The following PC variants were observed in gnomAD, a reference collection of about 807,000 sequenced individuals.
The protein encoded by PC is pyruvate carboxylase, mitochondrial.
Under a neutral mutation model 107.8 loss-of-function variants are expected in PC, and 46 were observed. The observed-to-expected ratio is 0.43, with a 90% confidence interval of 0.34 to 0.55. PC has a LOEUF of 0.55. Ranked by LOEUF, PC falls within the 20% of genes least tolerant of loss-of-function variation. The pLI is 0.04. For missense variants in PC, 1,241 were observed against 1,643.1 expected (o/e 0.76, Z 4.23); for synonymous variants, 662 against 684.7 (o/e 0.97, Z 0.52).
chr11:66,877,560 G>A (rs890578219), intron 3 of PC, among the ~76,000 whole-genome samples: 12 of 152,146 alleles, frequency 7.9e-5, no homozygotes, highest in Non-Finnish European at 7.3e-5. Context: ...GCATGGTGGC[G>A]GGTTATGCCC....
intron 3 of PC, among the ~76,000 whole-genome samples, chr11:66,929,066 G>T (rs537337221): frequency 6.6e-6 from 1 of 152,212 alleles, no homozygotes; most frequent in Admixed American, 6.5e-5. Context: ...GACTTACCTA[G>T]TACCGACAGG....
chr11:66,859,697 T>C (rs1303259607), intron 12 of PC: 1 of 1,612,758 alleles, frequency 6.2e-7, no homozygotes, highest in Non-Finnish European at 8.5e-7. Context: ...GCGCTGACTA[T>C]GACCTCTGCC....
chr11:66,851,770 C>T lies in PC; in HGVS notation c.1982+20G>A. 3.7e-6 allele frequency: 6 copies of T among 1,613,622 alleles called. No individual in the cohort carries two copies. Among genetic ancestry groups the T allele is most frequent in the Non-Finnish European group, 5.1e-6 (6 of 1,179,536 alleles). ...CTGGGCCACACCAGGTAGCGTCTGC[C>T]CACCCCACCCCAGGCTCACTTGAAG... On this transcript the variant is annotated intron_variant, in intron 16 of 22. Coordinates refer to ENST00000393960, the MANE Select transcript of PC (RefSeq NM_001040716.2).
chr11:66,861,194 AC>A (rs1946236947), intron 12 of PC, among the ~76,000 whole-genome samples: 1 of 151,898 alleles, frequency 6.6e-6, no homozygotes, highest in South Asian at 2.1e-4. Context: ...CTCTGCTAGG[AC>A]CCCTGGCCAG....
intron 12 of PC, among the ~76,000 whole-genome samples, chr11:66,856,072 C>G (rs1945797062): frequency 6.6e-6 from 1 of 152,250 alleles, no homozygotes; most frequent in African/African-American, 2.4e-5. Flanking sequence ...GCGGGCACAG[C>G]TGGAAGGAAA....
chr11:66,896,322 A>AC (rs1947758726), intron 3 of PC, among the ~76,000 whole-genome samples: 1 of 152,134 alleles, frequency 6.6e-6, no homozygotes. Flanking sequence ...CAAGTGATCC[A>AC]CCTGCCTCGG....
At chr11:66,930,200 C>T (rs1175701058) in intron 3 of PC, among the ~76,000 whole-genome samples, 1 of 150,344 alleles carries the variant, frequency 6.7e-6, no homozygotes, top group African/African-American at 2.5e-5. Flanking sequence ...GGTAGAAAAA[C>T]AAAAAACTCC....
chr11:66,948,268 C>T (rs11820328), intron 3 of PC, among the ~76,000 whole-genome samples: 2,091 of 150,452 alleles, frequency 0.014, 44 homozygotes, highest in African/African-American at 0.048. Flanking sequence ...CATATCTCAA[C>T]ATAATTATGC....
Position 66,849,720 on chromosome 11 carries a change from T to C in PC, c.3038A>G (p.Tyr1013Cys). 1 of 1,614,006 alleles carries C rather than the reference T, an allele frequency of 6.2e-7. No individual in the cohort carries two copies. The highest frequency in any genetic ancestry group is 1.7e-5 in the Admixed American group (1 of 60,008). ...CTTGAAGTGGGCAAACACATCGGGG[T>C]ACATAGCTGCTGAGAGCACATCTTC... ...TPEDVLSAAM[Y>C]PDVFAHFKDF... Residue 1013 changes from tyrosine (Y) to cysteine (C), a missense_variant, in exon 21 of 23, where the codon TAC becomes TGC. Physicochemically the swap from Tyr to Cys is radical, Grantham distance 194. This residue lies in a region of PC where 1,143 missense variants were observed against 1,551.9 expected (regional missense o/e 0.74). Transcript: ENST00000393960.
chr11:66,904,374 C>T (rs1591261576), intron 3 of PC, among the ~76,000 whole-genome samples: 1 of 152,282 alleles, frequency 6.6e-6, no homozygotes, highest in South Asian at 2.1e-4. Context: ...CGCGGTGGCT[C>T]ATGTCTGTAA....
At chr11:66,853,464 A>G in intron 12 of PC, 81 bp from the exon 13 acceptor site, 1 of 1,549,316 alleles carries the variant, frequency 6.5e-7, no homozygotes. Context: ...GAAAGAGAAA[A>G]GGCTGAAGAT....
intron 3 of PC, among the ~76,000 whole-genome samples, chr11:66,905,581 T>C (rs1294599975): frequency 6.6e-6 from 1 of 152,246 alleles, no homozygotes; most frequent in Non-Finnish European, 1.5e-5. Context: ...AACTGGTCCA[T>C]ATTAGGGATG....
intron 3 of PC, among the ~76,000 whole-genome samples, chr11:66,922,112 T>C (rs74581716): frequency 8.5e-4 from 129 of 152,050 alleles, no homozygotes; most frequent in Middle Eastern, 3.4e-3. Flanking sequence ...AGTAAAGGGG[T>C]TTCAGAGAGT....
chr11:66,911,075 C>T (rs1159762236), intron 3 of PC, among the ~76,000 whole-genome samples: 6 of 152,172 alleles, frequency 3.9e-5, no homozygotes, highest in South Asian at 2.1e-4. Context: ...GAAATACCTA[C>T]GAGAGTCTAG....
intron 3 of PC, among the ~76,000 whole-genome samples, chr11:66,921,276 A>G (rs1948589487): frequency 1.3e-5 from 2 of 152,346 alleles, no homozygotes; most frequent in South Asian, 4.1e-4. Context: ...CTTGGGTAGG[A>G]TTATCTTTCT....
Position 66,860,148 on chromosome 11 carries a change from C to T in PC, c.1368+3626G>A, listed in dbSNP as rs1052068092. On this transcript the variant is annotated intron_variant, in intron 12 of 22. Transcript: ENST00000393960. ...TGGGGGGCTGCTCGGGGCAGGGTGC[C>T]GGGGGGTAGGAGGCAGCGCCGAGCG... 4.5e-6 allele frequency: 7 copies of T among 1,548,996 alleles called. No individual in the cohort carries two copies. Among genetic ancestry groups the T allele is most frequent in the African/African-American group, 2.7e-5 (2 of 73,136 alleles).
intron 3 of PC, among the ~76,000 whole-genome samples, chr11:66,937,313 C>A (rs370354861): frequency 6.6e-6 from 1 of 152,224 alleles, no homozygotes; most frequent in African/African-American, 2.4e-5. Flanking sequence ...TATCTCCTGG[C>A]TCCCATGATT....
At chr11:66,893,676 TTCTC>T (rs1291257725) in intron 3 of PC, among the ~76,000 whole-genome samples, 1 of 152,100 alleles carries the variant, frequency 6.6e-6, no homozygotes, top group Non-Finnish European at 1.5e-5. Flanking sequence ...AACACCTTCT[TTCTC>T]TCTCTCCATC....
intron 3 of PC, among the ~76,000 whole-genome samples, chr11:66,875,628 C>A (rs569904692): frequency 6.6e-6 from 1 of 152,034 alleles, no homozygotes; most frequent in Admixed American, 6.5e-5. Context: ...CAGAAGCGAG[C>A]GGCTCTCAGG....
Sources: gnomAD v4.1 joint callset for allele counts (sites outside exome capture counted in the v4.1 genomes callset) on GRCh38, gnomAD v4.1.1 for gene constraint, gnomAD v4.1.1 regional missense constraint, MANE v1.5 for transcripts, NCBI Gene and HGNC (gene_info 2026-07-23, HGNC 2026-07-21) for gene names.